KCP: variants seen among roughly 807,000 people sequenced by gnomAD.
KCP encodes the protein kielin cysteine rich BMP regulator.
In KCP, 194 loss-of-function variants were observed where a neutral mutation model predicts 212.7. That is an observed-to-expected ratio of 0.91 (90% CI 0.81 to 1.03). KCP has a LOEUF of 1.03. KCP is among the 50% of genes least tolerant of loss of function. The probability of loss-of-function intolerance (pLI) is 0.00; values close to 1 mark genes in which losing one functional copy is unlikely to be tolerated. For synonymous variants in KCP, 833 were observed against 865.3 expected (o/e 0.96, Z 0.65); for missense variants, 2,080 against 2,162.5 (o/e 0.96, Z 0.76).
intron 22 of KCP, among the ~76,000 whole-genome samples, chr7:128,888,269 CACATACACT>C: frequency 6.6e-6 from 1 of 151,388 alleles, no homozygotes; most frequent in African/African-American, 2.4e-5. Context: ...TACACAGACA[CACATACACT>C]GTCACACACA....
intron 29 of KCP, among the ~76,000 whole-genome samples, 181 bp downstream of exon 29, chr7:128,883,821 G>C (rs1793476224): frequency 6.6e-6 from 1 of 152,234 alleles, no homozygotes; most frequent in South Asian, 2.1e-4. Context: ...GAGAGGCAAA[G>C]GGTTCCTGTC....
chr7:128,897,547 G>C (rs1794601474), intron 8 of KCP, among the ~76,000 whole-genome samples: 1 of 152,164 alleles, frequency 6.6e-6, no homozygotes, highest in African/African-American at 2.4e-5. Flanking sequence ...AAAGTAAAAA[G>C]TCTAATGCCT....
intron 7 of KCP, 198 bp from the exon 8 acceptor site, chr7:128,903,057 G>T: frequency 1.7e-6 from 1 of 601,182 alleles, no homozygotes; most frequent in Non-Finnish European, 3.0e-6. Flanking sequence ...TCCTTAGCCC[G>T]CCCTTTCTGG....
chr7:128,910,483 G>T, intron 1 of KCP, 118 bp downstream of exon 1: 2 of 961,050 alleles, frequency 2.1e-6, no homozygotes, highest in East Asian at 3.2e-5. Flanking sequence ...GGAGGCGCGC[G>T]AACCTCAGGC....
rs181260229 is a variant in KCP, at chr7:128,886,962, C to A, written c.2603G>T (p.Gly868Val). The A allele has an allele frequency of 4.6e-4, 686 of 1,501,218 alleles. 1 individual carries two copies. The African/African-American group carries it at 5.1e-3, about 11-fold the overall frequency. 93.0% of individuals were successfully genotyped at this position (1,501,218 alleles called of 1,614,324 possible). Reference sequence around the variant, plus strand: ...TGGCTTCTTCTGGCAGCGCATGGAACCTTCCTGGGGGAGAGAGGCCCATCA... The same window carrying A: ...TGGCTTCTTCTGGCAGCGCATGGAAACTTCCTGGGGGAGAGAGGCCCATCA... ...PTCSLCTCQE[G>V]SMRCQKKPCP... Residue 868 changes from glycine to valine, a missense_variant, in exon 24 of 40, where the codon GGT (glycine) becomes GTT (valine). Physicochemically the swap from Gly to Val is moderately radical, Grantham distance 109. Coordinates refer to ENST00000610776, the MANE Select transcript of KCP (RefSeq NM_001366122.1).
chr7:128,905,033 TGTGTCTTTTCTTTGA>T (rs1188309853), intron 5 of KCP, among the ~76,000 whole-genome samples: 123 of 152,112 alleles, frequency 8.1e-4, no homozygotes, highest in African/African-American at 2.9e-3. Flanking sequence ...CTTTTCTTTG[TGTGTCTTTTCTTTGA>T]GATCCATCAA....
intron 1 of KCP, among the ~76,000 whole-genome samples, chr7:128,909,934 G>A (rs1450882684): frequency 1.3e-5 from 2 of 152,278 alleles, no homozygotes; most frequent in Non-Finnish European, 2.9e-5. Context: ...GCCACGATGG[G>A]CGTCTCAGCA....
chr7:128,904,890 G>A (rs939852168), intron 5 of KCP, among the ~76,000 whole-genome samples: 1 of 152,196 alleles, frequency 6.6e-6, no homozygotes, highest in East Asian at 1.9e-4. Flanking sequence ...TACAACAGAT[G>A]GAAGTAGTGT....
At chr7:128,910,552 G>C (rs1233886303) in intron 1 of KCP, 49 bp downstream of exon 1, 2 of 1,470,682 alleles carry the variant, frequency 1.4e-6, no homozygotes, top group Non-Finnish European at 1.8e-6. Context: ...CTGATAGGAG[G>C]GAGGGGGCGC....
chr7:128,901,811 G>A (rs149507365), intron 8 of KCP, among the ~76,000 whole-genome samples: 198 of 152,260 alleles, frequency 1.3e-3, no homozygotes, highest in African/African-American at 4.5e-3. Flanking sequence ...CAAGCTGTCA[G>A]GAAGCTCCCA....
chr7:128,904,477 C>T (rs1187062015), intron 5 of KCP: 2 of 945,526 alleles, frequency 2.1e-6, no homozygotes, highest in Non-Finnish European at 3.2e-6. Flanking sequence ...TGTTCCATCC[C>T]TCTCCTTTGC....
intron 26 of KCP, 37 bp from the exon 27 acceptor site, chr7:128,885,307 T>G (rs1585204602): frequency 6.6e-7 from 1 of 1,513,210 alleles, no homozygotes; most frequent in East Asian, 2.5e-5. Flanking sequence ...GCTCGGAGGT[T>G]GAGATCTGGA....
chr7:128,909,720 C>T (rs1347785502), intron 1 of KCP, among the ~76,000 whole-genome samples: 2 of 152,174 alleles, frequency 1.3e-5, no homozygotes. Context: ...GAGCAAGTCC[C>T]GCTGGGATGG....
chr7:128,909,344 T>C (rs1161138476), intron 1 of KCP, among the ~76,000 whole-genome samples: 2 of 152,088 alleles, frequency 1.3e-5, no homozygotes, highest in African/African-American at 4.8e-5. Flanking sequence ...CCATGGCAGC[T>C]CATTAGTGAG....
In KCP at chr7:128,907,371, C is replaced by G; in HGVS notation, c.302G>C (p.Arg101Pro). The G allele has an allele frequency of 1.3e-6, 2 of 1,541,140 alleles. No homozygotes were observed. Among genetic ancestry groups the G allele is most frequent in the East Asian group, 4.9e-5 (2 of 40,588 alleles). Residue 101 changes from arginine (R) to proline (P), a missense_variant, in exon 3 of 40, where the codon CGT (arginine) becomes CCT (proline). By Grantham distance (103) the Arg-to-Pro change is moderately radical. Coordinates refer to ENST00000610776, the MANE Select transcript of KCP (RefSeq NM_001366122.1). ...CCAGCGTGCCCCCTCGGGCCAGGCA[C>G]GCCCCAGCCCCCAGCACTGGGGAGA... ...PASPQCWGLG[R>P]AWPEGARWEP...
intron 22 of KCP, among the ~76,000 whole-genome samples, chr7:128,888,492 A>C (rs1250122790): frequency 6.6e-6 from 1 of 151,674 alleles, no homozygotes; most frequent in African/African-American, 2.4e-5. Flanking sequence ...ACACAGATAC[A>C]CCCACACAGG....
At chr7:128,900,177 G>A (rs1013214396) in intron 8 of KCP, among the ~76,000 whole-genome samples, 7 of 152,052 alleles carry the variant, frequency 4.6e-5, no homozygotes, top group Admixed American at 1.3e-4. Flanking sequence ...TCATTCTTGC[G>A]GCACTTTATA....
chr7:128,910,231 C>T (rs76942241), intron 1 of KCP, among the ~76,000 whole-genome samples: 1 of 152,340 alleles, frequency 6.6e-6, no homozygotes, highest in Admixed American at 6.5e-5. Flanking sequence ...GCCCTCCATT[C>T]CCGCCTGTCC....
At chr7:128,886,181 C>G (rs949160021) in intron 26 of KCP, among the ~76,000 whole-genome samples, 1 of 152,214 alleles carries the variant, frequency 6.6e-6, no homozygotes, top group Non-Finnish European at 1.5e-5. Flanking sequence ...GATCCTCCCA[C>G]CTTGGCCTCC....
Sources: allele counts gnomAD v4.1 joint callset (sites outside exome capture counted in the v4.1 genomes callset), GRCh38; gene constraint gnomAD v4.1.1; transcripts MANE v1.5; gene names NCBI Gene and HGNC (gene_info 2026-07-23, HGNC 2026-07-21).